The following MACO1 variants were observed in gnomAD, a reference collection of about 807,000 sequenced individuals.
The protein encoded by MACO1 is macoilin 1, also known as macoilin.
Under a neutral mutation model 78.7 loss-of-function variants are expected in MACO1, and 14 were observed. The ratio of observed to expected loss-of-function variants is 0.18; its 90% CI spans 0.12 to 0.28. MACO1 has a LOEUF of 0.28. Ranked by LOEUF, MACO1 falls within the 10% of genes least tolerant of loss-of-function variation. MACO1 has a pLI of 1.00. For missense variants in MACO1, 501 were observed against 799.0 expected (o/e 0.63, Z 4.50); for synonymous variants, 288 against 291.6 (o/e 0.99, Z 0.12).
intron 3 of MACO1, among the ~76,000 whole-genome samples, chr1:25,452,851 C>T (rs914024315): frequency 6.6e-6 from 1 of 151,848 alleles, no homozygotes; most frequent in African/African-American, 2.4e-5. Flanking sequence ...TGTGCACCAC[C>T]ATGCCCAGCT....
In MACO1 at chr1:25,439,310, C is replaced by T. The variant is rs138685070; in HGVS notation, c.81-7452C>T. 5.5e-3 allele frequency among the ~76,000 whole-genome samples: 832 copies of T among 151,866 alleles called. 10 individuals carry two copies. The highest frequency in any genetic ancestry group is 0.019 in the African/African-American group (791 of 41,400). ...ACTTGGGAGGCTGAGGTGGGAGGATCGCTTGAGCTCAGGAGTTGGAGGTTG... is the reference window on the plus strand; with the variant it reads ...ACTTGGGAGGCTGAGGTGGGAGGATTGCTTGAGCTCAGGAGTTGGAGGTTG... On this transcript the variant is annotated intron_variant, in intron 1 of 10. Coordinates refer to ENST00000374343, the MANE Select transcript of MACO1 (RefSeq NM_018202.6).
At chr1:25,473,405 A>G (rs989477870) in intron 6 of MACO1, among the ~76,000 whole-genome samples, 2 of 152,220 alleles carry the variant, frequency 1.3e-5, no homozygotes, top group Non-Finnish European at 2.9e-5. Context: ...TAAGAGGCCA[A>G]ACAGGAAGGT....
chr1:25,470,273 C>T (rs2043255941), intron 6 of MACO1, among the ~76,000 whole-genome samples: 1 of 152,162 alleles, frequency 6.6e-6, no homozygotes, highest in Non-Finnish European at 1.5e-5. Context: ...TTCTTTATCT[C>T]TTGTAGGGAA....
chr1:25,437,707 T>G (rs2042932014), intron 1 of MACO1, among the ~76,000 whole-genome samples: 1 of 151,898 alleles, frequency 6.6e-6, no homozygotes, highest in African/African-American at 2.4e-5. Context: ...ATTGCTTGAG[T>G]CCAGGAGTTC....
chr1:25,475,550 CAA>C (rs1162367298), intron 6 of MACO1, among the ~76,000 whole-genome samples: 12 of 56,946 alleles, frequency 2.1e-4, no homozygotes, highest in Non-Finnish European at 2.5e-4. Flanking sequence ...CCAGGCTCTA[CAA>C]AAAAAAAAAA....
chr1:25,458,046 C>G (rs528119393), intron 5 of MACO1, among the ~76,000 whole-genome samples: 36 of 152,302 alleles, frequency 2.4e-4, no homozygotes, highest in African/African-American at 8.2e-4. Flanking sequence ...TGTCCTCTCA[C>G]CTCAGTGATA....
rs572516196 is a variant in MACO1 at position 25,466,325 on chromosome 1, A to ATTTT, written c.1154+7435_1154+7438dup. On this transcript the variant is annotated intron_variant, in intron 6 of 10. Coordinates refer to ENST00000374343, the MANE Select transcript of MACO1 (RefSeq NM_018202.6). Reference sequence around the variant, plus strand: ...TTCTGCCCATTTTATTTATTTATTTATTTTTGAGACGGAGTTTCACTCTTG... The same window carrying ATTTT: ...TTCTGCCCATTTTATTTATTTATTTATTTTTTTTTGAGACGGAGTTTCACTCTTG... Among the ~76,000 whole-genome samples the ATTTT allele has an allele frequency of 4.5e-3, 679 of 151,576 alleles. 5 individuals are homozygous for ATTTT. The highest frequency in any genetic ancestry group is 0.016 in the African/African-American group (651 of 41,418).
chr1:25,459,518 T>C (rs1216135003), intron 6 of MACO1, among the ~76,000 whole-genome samples: 1 of 150,758 alleles, frequency 6.6e-6, no homozygotes, highest in Non-Finnish European at 1.5e-5. Context: ...GGAGTCTTGC[T>C]CTATTGCCCA....
chr1:25,484,387 T>C (rs1023959893), intron 7 of MACO1, 113 bp downstream of exon 7: 1 of 1,079,666 alleles, frequency 9.3e-7, no homozygotes, highest in African/African-American at 1.6e-5. Context: ...GAGAGGTTTT[T>C]AAATAAAATG....
At chr1:25,457,987 T>A (rs1057469757) in intron 5 of MACO1, among the ~76,000 whole-genome samples, 2 of 152,250 alleles carry the variant, frequency 1.3e-5, no homozygotes, top group Non-Finnish European at 2.9e-5. Context: ...TATTAACAGT[T>A]CGTTTACTCC....
chr1:25,470,210 AAGCC>A (rs1447038880), intron 6 of MACO1, among the ~76,000 whole-genome samples: 1 of 152,328 alleles, frequency 6.6e-6, no homozygotes, highest in East Asian at 1.9e-4. Flanking sequence ...AAACATTTCA[AAGCC>A]ACTAGCAAAT....
chr1:25,451,589 GTTC>G (rs1393500714), intron 3 of MACO1, among the ~76,000 whole-genome samples: 1 of 152,096 alleles, frequency 6.6e-6, no homozygotes, highest in Non-Finnish European at 1.5e-5. Flanking sequence ...GTGGGTTGCT[GTTC>G]TTCCTCCTAC....
At chr1:25,432,363 A>G (rs1454931860) in intron 1 of MACO1, among the ~76,000 whole-genome samples, 1 of 152,246 alleles carries the variant, frequency 6.6e-6, no homozygotes, top group Non-Finnish European at 1.5e-5. Flanking sequence ...CTTCAAGTTT[A>G]AAAGCATTAA....
intron 1 of MACO1, among the ~76,000 whole-genome samples, chr1:25,435,564 C>G (rs949225642): frequency 2.6e-5 from 4 of 152,128 alleles, no homozygotes; most frequent in Non-Finnish European, 5.9e-5. Flanking sequence ...GTTTTAGACT[C>G]CTTTGGGCTA....
chr1:25,433,979 T>G (rs1305191212), intron 1 of MACO1, among the ~76,000 whole-genome samples: 3 of 152,182 alleles, frequency 2.0e-5, no homozygotes, highest in Non-Finnish European at 4.4e-5. Flanking sequence ...TGGTCTTGCT[T>G]TAAAAAATCC....
chr1:25,440,454 A>T (rs1463405380), intron 1 of MACO1, among the ~76,000 whole-genome samples: 1 of 151,820 alleles, frequency 6.6e-6, no homozygotes, highest in Non-Finnish European at 1.5e-5. Flanking sequence ...AGAAAAATTT[A>T]AAACATTAGT....
intron 4 of MACO1, among the ~76,000 whole-genome samples, 200 bp from the exon 5 acceptor site, chr1:25,456,453 G>T (rs2043121825): frequency 6.6e-6 from 1 of 152,164 alleles, no homozygotes; most frequent in Non-Finnish European, 1.5e-5. Context: ...GTTCCTGGGG[G>T]TTTTGTTCTG....
At position 25,471,536 on chromosome 1, in the gene MACO1, A is replaced by G. The variant is rs2043271623; in HGVS notation, c.1155-12580A>G. Among the ~76,000 whole-genome samples, 4 of 152,324 alleles carry G rather than the reference A, an allele frequency of 2.6e-5. No homozygotes were observed. In the South Asian group the frequency reaches 6.2e-4, roughly 24 times the overall value. ...TACCATAATAGAATGTAAGCTCAGTAAGGACAGGGAACTTATTTTCACTGG... is the reference window on the plus strand; with the variant it reads ...TACCATAATAGAATGTAAGCTCAGTGAGGACAGGGAACTTATTTTCACTGG... On this transcript the variant is annotated intron_variant, in intron 6 of 10. Coordinates refer to ENST00000374343, the MANE Select transcript of MACO1 (RefSeq NM_018202.6).
intron 10 of MACO1, among the ~76,000 whole-genome samples, chr1:25,496,396 C>T (rs1182222288): frequency 1.3e-5 from 2 of 152,158 alleles, no homozygotes; most frequent in Non-Finnish European, 2.9e-5. Flanking sequence ...AGTCCACCCA[C>T]CGCGGTCTCC....
Sources: allele counts gnomAD v4.1 joint callset (sites outside exome capture counted in the v4.1 genomes callset), GRCh38; gene constraint gnomAD v4.1.1; transcripts MANE v1.5; gene names NCBI Gene and HGNC (gene_info 2026-07-23, HGNC 2026-07-21).